Variants in AGO4 observed in about 807,000 individuals in gnomAD.
AGO4 encodes protein argonaute-4.
AGO4 carries 33 observed loss-of-function variants against 104.7 expected under a neutral mutation model. The ratio of observed to expected loss-of-function variants is 0.32; its 90% confidence interval spans 0.24 to 0.42. AGO4 has a LOEUF of 0.42. Among genes scored for constraint, AGO4 ranks in the 10% least tolerant of loss-of-function variants. The pLI, the probability that AGO4 is intolerant of heterozygous loss-of-function variation, is 1.00. For missense variants in AGO4, 711 were observed against 1,083.4 expected, an observed-to-expected ratio of 0.66 and a Z score of 4.83; for synonymous variants, 331 against 364.7, an observed-to-expected ratio of 0.91 and a Z score of 1.05.
chr1:35,825,215 G>T (rs1481170544), intron 3 of AGO4, 98 bp from the exon 4 acceptor site: 1 of 1,287,806 alleles, frequency 7.8e-7, no homozygotes, highest in Non-Finnish European at 1.1e-6. Flanking sequence ...AAAGTTAAAA[G>T]AAATATCCTT....
intron 12 of AGO4, 112 bp from the exon 13 acceptor site, chr1:35,835,722 A>G: frequency 2.3e-6 from 2 of 862,596 alleles, no homozygotes; most frequent in Non-Finnish European, 3.3e-6. Flanking sequence ...CATCTAGCAC[A>G]GTGTACAGTA....
At chr1:35,810,708 G>C (rs1643472362) in intron 1 of AGO4, among the ~76,000 whole-genome samples, 1 of 152,118 alleles carries the variant, frequency 6.6e-6, no homozygotes, top group East Asian at 1.9e-4. Flanking sequence ...ATAAAGACCT[G>C]AGTTTGGGTC....
At chr1:35,815,815 C>T (rs1643674239) in intron 1 of AGO4, among the ~76,000 whole-genome samples, 2 of 152,096 alleles carry the variant, frequency 1.3e-5, no homozygotes, top group African/African-American at 4.8e-5. Flanking sequence ...GTTGTGACAA[C>T]CAAAAATGTG....
At chr1:35,835,464 T>G (rs1376730477) in intron 12 of AGO4, among the ~76,000 whole-genome samples, 2 of 152,030 alleles carry the variant, frequency 1.3e-5, no homozygotes, top group Non-Finnish European at 2.9e-5. Context: ...TAAAATAAAA[T>G]TCAAAGGGCC....
chr1:35,811,101 T>A (rs1030388073), intron 1 of AGO4, among the ~76,000 whole-genome samples: 3 of 151,714 alleles, frequency 2.0e-5, no homozygotes, highest in African/African-American at 7.3e-5. Flanking sequence ...TGCTGCGAGC[T>A]GAGATCGCAC....
Position 35,832,176 on chromosome 1 carries a change from T to A in AGO4, c.1236T>A (p.Tyr412Ter), listed in dbSNP as rs1195896562. 6.2e-7 allele frequency: 1 copy of A among 1,612,740 alleles called. No individual in the cohort carries two copies. Among genetic ancestry groups the A allele is most frequent in the Non-Finnish European group, 8.5e-7 (1 of 1,179,694 alleles). ...GRVLPAPMLQ[Y>*]GGRNKTVATP... is the part of the protein sequence containing the mutation. ...TACTTCCAGCACCAATGCTGCAATA[T>A]GGAGGCCGGGTAAGCTTTTTATTTT... The change falls in exon 10 of 18, where the codon TAT becomes TAA. Residue 412 changes from tyrosine to a stop codon, truncating the protein, a stop_gained. Coordinates refer to ENST00000373210, the MANE Select transcript of AGO4 (RefSeq NM_017629.4). LOFTEE classifies it high-confidence loss of function.
In AGO4 at chr1:35,841,843, A is replaced by AT; in HGVS notation, c.2175+98dup. On this transcript the variant is annotated intron_variant, in intron 15 of 17. Transcript: ENST00000373210. This position sits in a 1 kb window ranked among gnomAD's most constrained non-coding sequence, Gnocchi z 4.7. Reference sequence around the variant, plus strand: ...ATATATATATATATATATATACACCATTTTTATACAATTTTTTTCTTAAAA... The same window carrying AT: ...ATATATATATATATATATATACACCATTTTTTATACAATTTTTTTCTTAAAA... The AT allele has an allele frequency of 1.2e-6, 1 of 848,992 alleles. No individual in the cohort carries two copies. The highest frequency in any genetic ancestry group is 3.8e-5 in the East Asian group (1 of 26,242). 52.6% of individuals were successfully genotyped at this position (848,992 alleles called of 1,614,324 possible). A position where few individuals can be genotyped will look rare whatever the true frequency, so the allele number is the denominator to read the frequency against.
At chr1:35,837,353 A>G (rs1395047865) in intron 13 of AGO4, among the ~76,000 whole-genome samples, 1 of 149,628 alleles carries the variant, frequency 6.7e-6, no homozygotes, top group Non-Finnish European at 1.5e-5. Flanking sequence ...CAAAGTGCTG[A>G]GATTACAGGC....
In AGO4 at chr1:35,841,833, T is replaced by TATATATATATATATAG. The variant is rs1644453703; in HGVS notation, c.2175+88_2175+89insTATATATATAGATATA. On this transcript the variant is annotated intron_variant, in intron 15 of 17. Coordinates refer to ENST00000373210, the MANE Select transcript of AGO4 (RefSeq NM_017629.4). This position sits in a 1 kb window ranked among gnomAD's most constrained non-coding sequence, Gnocchi z 4.7. ...GCACATATATATATATATATATATA[T>TATATATATATATATAG]ATATACACCATTTTTATACAATTTT... is the stretch of plus-strand genomic sequence containing the variant. 1.2e-6 allele frequency: 1 copy of TATATATATATATATAG among 817,998 alleles called. No individual in the cohort carries two copies. Among genetic ancestry groups the TATATATATATATATAG allele is most frequent in the Non-Finnish European group, 1.6e-6 (1 of 620,850 alleles). The allele number at this position is 817,998 out of a possible 1,614,324, so 50.7% of individuals were successfully genotyped here.
intron 1 of AGO4, among the ~76,000 whole-genome samples, chr1:35,815,133 C>T (rs888639252): frequency 6.6e-6 from 1 of 152,178 alleles, no homozygotes; most frequent in Non-Finnish European, 1.5e-5. Context: ...CTGCCTTGGC[C>T]TCCCGAAGTG....
Position 35,808,392 on chromosome 1 carries a change from G to A in AGO4, c.-25G>A. On this transcript the variant is annotated 5_prime_UTR_variant, in exon 1 of 18. Transcript: ENST00000373210. This position sits in a 1 kb window ranked among gnomAD's most constrained non-coding sequence, Gnocchi z 5.2. ...CCGGAGCGGGAGGCGCCGGGGACCG[G>A]GGCGAGGCGGCCCCCGCCGCCGCCA... 1 of 1,098,924 alleles carries A rather than the reference G, an allele frequency of 9.1e-7. No homozygotes were observed. The allele number at this position is 1,098,924 out of a possible 1,614,324, so 68.1% of individuals were successfully genotyped here.
intron 1 of AGO4, among the ~76,000 whole-genome samples, chr1:35,812,891 C>G (rs1357028695): frequency 1.3e-5 from 2 of 152,020 alleles, no homozygotes; most frequent in African/African-American, 4.8e-5. Flanking sequence ...TGTGCCTGGC[C>G]TCTTACAACT....
chr1:35,847,265 G>T (rs1404703263), intron 15 of AGO4, among the ~76,000 whole-genome samples: 6 of 148,308 alleles, frequency 4.0e-5, no homozygotes, highest in African/African-American at 1.2e-4. Context: ...ACTGAGTCTC[G>T]CTCTGTTACC....
At chr1:35,811,249 G>A (rs1040048036) in intron 1 of AGO4, among the ~76,000 whole-genome samples, 1 of 151,698 alleles carries the variant, frequency 6.6e-6, no homozygotes, top group East Asian at 1.9e-4. Context: ...CGAGGTGGGC[G>A]GATCACCTGA....
rs186333410 is a variant in AGO4, at chr1:35,850,794, A to C, written c.2278-60A>C. Reference sequence around the variant, plus strand: ...AGACTCCATCTCAAAAAAAAAAAAAAAAAAACAAAAACAAAAAACGAACAA... The same window carrying C: ...AGACTCCATCTCAAAAAAAAAAAAACAAAAACAAAAACAAAAAACGAACAA... On this transcript the variant is annotated intron_variant, in intron 16 of 17. Transcript: ENST00000373210. The C allele has an allele frequency of 9.5e-3, 10,426 of 1,100,598 alleles. 39 individuals carry two copies. Among genetic ancestry groups the C allele is most frequent in the Non-Finnish European group, 0.011 (9,030 of 790,222 alleles). The allele number at this position is 1,100,598 out of a possible 1,614,324, so 68.2% of individuals were successfully genotyped here.
At chr1:35,852,158 G>T (rs745981780) in intron 17 of AGO4, among the ~76,000 whole-genome samples, 2 of 152,170 alleles carry the variant, frequency 1.3e-5, no homozygotes, top group Non-Finnish European at 2.9e-5. Flanking sequence ...GAACAAGCAG[G>T]TATGAGGCTG....
At chr1:35,819,712 G>A (rs620125) in intron 2 of AGO4, among the ~76,000 whole-genome samples, 95,281 of 137,140 alleles carry the variant, frequency 0.69, 36,431 homozygotes, top group Non-Finnish European at 0.87. Context: ...CAGCCTATTC[G>A]ACAGAGTGAG....
rs567978985 is a variant in AGO4, at chr1:35,842,142, C to T, written c.2175+392C>T. Among the ~76,000 whole-genome samples the T allele has an allele frequency of 5.9e-5, 9 of 152,034 alleles. No homozygotes were observed. In the South Asian group the frequency reaches 8.3e-4, roughly 14 times the overall value. ...TTTATCTTCCAAATAATTTTATATC[C>T]GCATAGGACACGGGTCCCCAACCCC... is the stretch of plus-strand genomic sequence containing the variant. On this transcript the variant is annotated intron_variant, in intron 15 of 17. Coordinates refer to ENST00000373210, the MANE Select transcript of AGO4 (RefSeq NM_017629.4).
intron 13 of AGO4, among the ~76,000 whole-genome samples, chr1:35,839,126 G>T (rs1423129973): frequency 6.6e-6 from 1 of 151,922 alleles, no homozygotes; most frequent in Non-Finnish European, 1.5e-5. Flanking sequence ...GACCACAGGT[G>T]TGCACCACCA....
Sources: gnomAD v4.1 joint callset for allele counts (sites outside exome capture counted in the v4.1 genomes callset) on GRCh38, gnomAD v4.1.1 for gene constraint, Gnocchi (gnomAD v3.1) non-coding constraint, MANE v1.5 for transcripts, NCBI Gene and HGNC (gene_info 2026-07-23, HGNC 2026-07-21) for gene names.